MYO1F: variants seen among roughly 807,000 people sequenced by gnomAD.
The protein encoded by MYO1F is myosin IF, also known as unconventional myosin-If.
Under a neutral mutation model 146.6 loss-of-function variants are expected in MYO1F, and 60 were observed. The observed-to-expected ratio is 0.41, with a 90% CI of 0.33 to 0.51. The LOEUF (loss-of-function observed/expected upper bound fraction) is 0.51, where lower values mean the gene tolerates loss of function less well. Ranked by LOEUF, MYO1F falls within the 20% of genes least tolerant of loss-of-function variation. The pLI, the probability that MYO1F is intolerant of heterozygous loss-of-function variation, is 0.25. For missense variants in MYO1F, 1,274 were observed against 1,534.3 expected, an observed-to-expected ratio of 0.83 and a Z score of 2.83; for synonymous variants, 602 against 602.1, an observed-to-expected ratio of 1.00 and a Z score of 0.00.
intron 1 of MYO1F, among the ~76,000 whole-genome samples, chr19:8,567,230 TA>T (rs1329943323): frequency 3.3e-5 from 5 of 151,816 alleles, no homozygotes; most frequent in African/African-American, 1.2e-4. Flanking sequence ...CCAAGCCTGC[TA>T]ATTTTTGTAT....
intron 17 of MYO1F, 95 bp downstream of exon 17, chr19:8,536,854 C>A: frequency 2.3e-6 from 2 of 875,266 alleles, no homozygotes; most frequent in South Asian, 1.4e-5. Context: ...GTCCCTGGGT[C>A]ATCCTACAGG....
At chr19:8,553,757 G>A (rs1457084626) in intron 4 of MYO1F, among the ~76,000 whole-genome samples, 3 of 151,404 alleles carry the variant, frequency 2.0e-5, no homozygotes, top group Non-Finnish European at 2.9e-5. Context: ...CTGTAATCCC[G>A]GCCACTCAGG....
intron 19 of MYO1F, among the ~76,000 whole-genome samples, chr19:8,534,369 G>A (rs923416053): frequency 1.5e-4 from 22 of 151,186 alleles, no homozygotes; most frequent in East Asian, 5.9e-4. Context: ...GTGCAGTGGC[G>A]CAATCTCAGC....
Position 8,527,367 on chromosome 19 carries a change from G to A in MYO1F, c.2445C>T (p.Asp815=). 1 of 1,614,140 alleles carries A rather than the reference G, an allele frequency of 6.2e-7. No individual in the cohort carries two copies. Among genetic ancestry groups the A allele is most frequent in the Non-Finnish European group, 8.5e-7 (1 of 1,180,024 alleles). The change falls in exon 22 of 28, where the codon GAC becomes GAT. Residue 815 remains aspartate (D), a synonymous_variant. Transcript: ENST00000644032. ...QVCEVLKKKV[D]IQALRGVSLS... ...GGGAGACTCCCCGCAGAGCCTGGAT[G>A]TCCACTTTCTTCTTCAAGACTTCAC...
At chr19:8,563,717 G>C (rs1433880850) in intron 1 of MYO1F, among the ~76,000 whole-genome samples, 3 of 151,688 alleles carry the variant, frequency 2.0e-5, no homozygotes, top group African/African-American at 7.3e-5. Context: ...TCACTATGTT[G>C]GTCAGGCTGG....
chr19:8,553,525 G>A (rs1973703304), intron 4 of MYO1F, 88 bp from the exon 5 acceptor site: 8 of 1,035,010 alleles, frequency 7.7e-6, no homozygotes, highest in African/African-American at 1.6e-5. Context: ...CACCTACTGT[G>A]TGCCTGCCAG....
intron 1 of MYO1F, among the ~76,000 whole-genome samples, chr19:8,561,425 TTCTCCTCTCCCTCCCTTCCTTCCTC>T (rs1974112822): frequency 8.4e-6 from 1 of 119,738 alleles, no homozygotes; most frequent in Admixed American, 9.5e-5. Flanking sequence ...CTCCCTTCCT[TTCTCCTCTCCCTCCCTTCCTTCCTC>T]CCTCTCTCCC....
rs1035085287 is a variant in MYO1F, at chr19:8,577,027, C to T, written c.3+280G>A. On this transcript the variant is annotated intron_variant, in intron 1 of 27. Coordinates refer to ENST00000644032, the MANE Select transcript of MYO1F (RefSeq NM_012335.4). The surrounding 1 kb of genome is among the most constrained non-coding windows in gnomAD (Gnocchi z 4.3). ...GAGGCTATGTCCTTGTCCCTGCAGACTCTGTGATTCTCCCTGGGCCACCTT... is the reference window on the plus strand; with the variant it reads ...GAGGCTATGTCCTTGTCCCTGCAGATTCTGTGATTCTCCCTGGGCCACCTT... 18 of 595,766 alleles carry T rather than the reference C, an allele frequency of 3.0e-5. No homozygotes were observed. The highest frequency in any genetic ancestry group is 5.4e-5 in the Non-Finnish European group (18 of 334,604). 36.9% of individuals were successfully genotyped at this position (595,766 alleles called of 1,614,324 possible).
chr19:8,565,357 A>G (rs1034884151), intron 1 of MYO1F, among the ~76,000 whole-genome samples: 3 of 151,826 alleles, frequency 2.0e-5, no homozygotes, highest in African/African-American at 7.3e-5. Context: ...AGCCTGACCA[A>G]CGTGGGGAAA....
chr19:8,540,293 T>C (rs1972905649), intron 15 of MYO1F: 2 of 392,106 alleles, frequency 5.1e-6, no homozygotes, highest in Admixed American at 8.5e-5. Context: ...AATGTGTGAA[T>C]GTATTGAATG....
At chr19:8,561,611 T>C (rs911241470) in intron 1 of MYO1F, among the ~76,000 whole-genome samples, 1 of 148,422 alleles carries the variant, frequency 6.7e-6, no homozygotes, top group African/African-American at 2.5e-5. Context: ...TCTTTTTTCT[T>C]TCTCTCTTTC....
At chr19:8,534,662 G>A (rs1456454891) in intron 19 of MYO1F, among the ~76,000 whole-genome samples, 2 of 150,236 alleles carry the variant, frequency 1.3e-5, no homozygotes, top group African/African-American at 2.5e-5. Flanking sequence ...GTCTCACTCT[G>A]TTGCCCAGGC....
chr19:8,529,769 T>G (rs138718962), intron 21 of MYO1F: 5 of 323,026 alleles, frequency 1.5e-5, no homozygotes, highest in African/African-American at 8.7e-5. Flanking sequence ...AAGTGCATGT[T>G]TGATGGACAG....
chr19:8,564,516 T>G (rs1600045805), intron 1 of MYO1F, among the ~76,000 whole-genome samples: 1 of 151,146 alleles, frequency 6.6e-6, no homozygotes, highest in Non-Finnish European at 1.5e-5. Flanking sequence ...ACTGGCTGAG[T>G]AGGAACTGCC....
chr19:8,521,667 G>A, intron 27 of MYO1F, 63 bp from the exon 28 acceptor site: 1 of 1,492,258 alleles, frequency 6.7e-7, no homozygotes, highest in Non-Finnish European at 9.3e-7. Context: ...CTCATGCCTG[G>A]TCTGTCCATC....
intron 22 of MYO1F, 43 bp downstream of exon 22, chr19:8,527,295 A>G: frequency 1.2e-6 from 2 of 1,613,094 alleles, no homozygotes; most frequent in Non-Finnish European, 8.5e-7. Context: ...CAGCCAGGGG[A>G]CAGGTGAGAG....
At chr19:8,521,650 G>A (rs769553424) in intron 27 of MYO1F, 46 bp from the exon 28 acceptor site, 43 of 1,574,102 alleles carry the variant, frequency 2.7e-5, no homozygotes, top group Non-Finnish European at 3.4e-5. Flanking sequence ...TGGCCCTGGA[G>A]AAAGCTCTCA....
chr19:8,538,520 G>C (rs1411866404), intron 16 of MYO1F, among the ~76,000 whole-genome samples: 3 of 151,428 alleles, frequency 2.0e-5, no homozygotes, highest in Admixed American at 2.0e-4. Context: ...GACTTCAAGT[G>C]ATCTGCCCGA....
Position 8,525,652 on chromosome 19 carries a change from A to C in MYO1F, c.2771-90T>G, listed in dbSNP as rs1449378054. 3.7e-6 allele frequency: 4 copies of C among 1,095,882 alleles called. No homozygotes were observed. The East Asian group carries it at 7.6e-5, about 21-fold the overall frequency. The allele number at this position is 1,095,882 out of a possible 1,614,324, so 67.9% of individuals were successfully genotyped here. On this transcript the variant is annotated intron_variant, in intron 24 of 27. Coordinates refer to ENST00000644032, the MANE Select transcript of MYO1F (RefSeq NM_012335.4). ...CTAGTCCATTCTGAGGCTCCGCCGC[A>C]CCCCGCCCCCTCAGGCTCTCCCATT...
Sources: allele counts gnomAD v4.1 joint callset (sites outside exome capture counted in the v4.1 genomes callset), GRCh38; gene constraint gnomAD v4.1.1; non-coding constraint Gnocchi (gnomAD v3.1); transcripts MANE v1.5; gene names NCBI Gene and HGNC (gene_info 2026-07-23, HGNC 2026-07-21).